The following ESR2 variants were observed in gnomAD, a reference collection of about 807,000 sequenced individuals.
The protein encoded by ESR2 is estrogen receptor beta.
ESR2 carries 36 observed loss-of-function variants against 49.6 expected under a neutral mutation model. The ratio of observed to expected loss-of-function variants is 0.73; its 90% CI spans 0.56 to 0.96. The LOEUF (loss-of-function observed/expected upper bound fraction) is 0.96. Among genes scored for constraint, ESR2 ranks in the 40% least tolerant of loss-of-function variants. The probability of loss-of-function intolerance (pLI) is 0.00; values close to 1 mark genes in which losing one functional copy is unlikely to be tolerated. For missense variants in ESR2, 714 were observed against 693.0 expected (o/e 1.03, Z -0.34); for synonymous variants, 320 against 266.1 (o/e 1.20, Z -1.97).
intron 1 of ESR2, among the ~76,000 whole-genome samples, chr14:64,323,175 G>A (rs1159403365): frequency 6.6e-6 from 1 of 152,162 alleles, no homozygotes; most frequent in Non-Finnish European, 1.5e-5. Flanking sequence ...GTTTAGCATA[G>A]CTTTAAGTGT....
In ESR2 at chr14:64,231,777, A is replaced by G. The variant is rs2098727471; in HGVS notation, c.*1360T>C. The G allele has an allele frequency of 6.6e-6, 1 of 152,224 alleles. No homozygotes were observed. The highest frequency in any genetic ancestry group is 2.1e-4 in the South Asian group (1 of 4,828). 9.4% of individuals were successfully genotyped at this position (152,224 alleles called of 1,614,324 possible). On this transcript the variant is annotated 3_prime_UTR_variant, in exon 9 of 9. Coordinates refer to ENST00000341099, the MANE Select transcript of ESR2 (RefSeq NM_001437.3). ...TTATTTAATTGCTGGCTTCCATAGT[A>G]TGCTGTTACTCATTTTACATATTCA...
downstream of ESR2, chr14:64,227,421 T>C: frequency 7.9e-7 from 1 of 1,272,488 alleles, no homozygotes; most frequent in Non-Finnish European, 1.1e-6. Context: ...TCAAAGTATT[T>C]TAACTCTTTC....
intron 7 of ESR2, among the ~76,000 whole-genome samples, chr14:64,245,470 C>T (rs2075831182): frequency 2.2e-5 from 3 of 137,434 alleles, no homozygotes; most frequent in African/African-American, 8.3e-5. Context: ...CAAGATCGCA[C>T]CATTGCACTC....
chr14:64,257,293 C>T lies in ESR2; in HGVS notation c.1024G>A (p.Gly342Arg). The change falls in exon 6 of 9, where the codon GGG (glycine) becomes AGG (arginine). Residue 342 changes from glycine to arginine, a missense_variant. Physicochemically the swap from Gly to Arg is moderately radical, Grantham distance 125. Transcript: ENST00000341099. ...TGGTCAATTGAGCGCCACATCAGCC[C>T]CATCATTAACACCTCCATCCAACAG... ...ESCWMEVLMM[G>R]LMWRSIDHPG... is the part of the protein sequence containing the mutation. 2 of 1,614,074 alleles carry T rather than the reference C, an allele frequency of 1.2e-6. No homozygotes were observed. Among genetic ancestry groups the T allele is most frequent in the Non-Finnish European group, 1.7e-6 (2 of 1,180,006 alleles).
At chr14:64,304,780 G>A (rs1222377308) in intron 1 of ESR2, among the ~76,000 whole-genome samples, 2 of 152,226 alleles carry the variant, frequency 1.3e-5, no homozygotes, top group South Asian at 2.1e-4. Flanking sequence ...GGAGGCTGAG[G>A]TGGGAGGATG....
chr14:64,251,152 G>T (rs1018146778), intron 6 of ESR2, among the ~76,000 whole-genome samples: 1 of 151,946 alleles, frequency 6.6e-6, no homozygotes, highest in African/African-American at 2.4e-5. Flanking sequence ...CCTGATGCAG[G>T]CATCCAGTAA....
chr14:64,257,527 T>A, intron 5 of ESR2, 163 bp from the exon 6 acceptor site: 1 of 883,110 alleles, frequency 1.1e-6, no homozygotes, highest in South Asian at 1.8e-5. Context: ...AAGAAAACTT[T>A]GAAGTTAAGC....
chr14:64,242,373 C>T (rs72720395), intron 7 of ESR2, among the ~76,000 whole-genome samples: 31,594 of 149,274 alleles, frequency 0.21, 3,650 homozygotes, highest in Middle Eastern at 0.32. Context: ...AGCACCAATG[C>T]ACTCCAGCCT....
intron 1 of ESR2, chr14:64,303,512 C>T (rs2077053335): frequency 6.6e-6 from 1 of 152,004 alleles, no homozygotes; most frequent in Admixed American, 6.6e-5. Flanking sequence ...GCATTCTCCT[C>T]CTGCTCCCTC....
At chr14:64,272,740 C>T (rs955774048) in intron 3 of ESR2, among the ~76,000 whole-genome samples, 7 of 152,090 alleles carry the variant, frequency 4.6e-5, no homozygotes, top group African/African-American at 1.7e-4. Context: ...CTGTTTTAGG[C>T]TAGTACCACG....
intron 7 of ESR2, among the ~76,000 whole-genome samples, chr14:64,238,848 C>G (rs760349922): frequency 4.6e-5 from 7 of 152,126 alleles, no homozygotes; most frequent in Non-Finnish European, 8.8e-5. Context: ...ATCTTCTCTC[C>G]CCTTTATCAG....
rs566646419 is a variant in ESR2, at chr14:64,279,435, A to T, written c.535+546T>A. Among the ~76,000 whole-genome samples, 10 of 152,348 alleles carry T rather than the reference A, an allele frequency of 6.6e-5. No individual in the cohort carries two copies. In the South Asian group the frequency reaches 2.1e-3, roughly 32 times the overall value. On this transcript the variant is annotated intron_variant, in intron 3 of 8. Coordinates refer to ENST00000341099, the MANE Select transcript of ESR2 (RefSeq NM_001437.3). ...GCGTTTAGAGAAAGTTAGGGAAATAATCTAAACACAGCCCAGAAAACAAGG... is the reference window on the plus strand; with the variant it reads ...GCGTTTAGAGAAAGTTAGGGAAATATTCTAAACACAGCCCAGAAAACAAGG...
chr14:64,305,076 G>A (rs1384946555), intron 1 of ESR2, among the ~76,000 whole-genome samples: 1 of 151,758 alleles, frequency 6.6e-6, no homozygotes, highest in Non-Finnish European at 1.5e-5. Context: ...GGATCACAAG[G>A]TCAGGAGATC....
rs866936528 is a variant in ESR2 at position 64,229,767 on chromosome 14, T to C, written c.*3370A>G. 1.1e-4 allele frequency among the ~76,000 whole-genome samples: 16 copies of C among 152,316 alleles called. No homozygotes were observed. Among genetic ancestry groups the C allele is most frequent in the Admixed American group, 1.3e-4 (2 of 15,304 alleles). On this transcript the variant is annotated 3_prime_UTR_variant, in exon 9 of 9. Transcript: ENST00000341099. ...GAAAATAAGGAAATAGCAGTTATTA[T>C]AATAAGGATTAAATGTGAATGTCTG...
intron 4 of ESR2, among the ~76,000 whole-genome samples, chr14:64,261,926 A>C (rs1005241214): frequency 2.0e-5 from 3 of 151,670 alleles, no homozygotes; most frequent in African/African-American, 7.3e-5. Context: ...TAACTTTTAA[A>C]TTTTTTTGTA....
intron 7 of ESR2, among the ~76,000 whole-genome samples, chr14:64,244,399 CA>C (rs34288779): frequency 0.35 from 44,359 of 127,578 alleles, 6,734 homozygotes; most frequent in Middle Eastern, 0.44. Context: ...GACTTCATCT[CA>C]AAAAAAAAAA....
intron 1 of ESR2, among the ~76,000 whole-genome samples, chr14:64,305,397 G>A (rs996632360): frequency 2.0e-5 from 3 of 151,812 alleles, no homozygotes; most frequent in East Asian, 3.9e-4. Context: ...TAGGCCGGGC[G>A]CAGTGGCTCA....
intron 5 of ESR2, among the ~76,000 whole-genome samples, chr14:64,258,497 A>G (rs114809623): frequency 6.6e-6 from 1 of 152,150 alleles, no homozygotes; most frequent in South Asian, 2.1e-4. Flanking sequence ...TTAATCTCCC[A>G]TTAAGTCTTT....
chr14:64,254,455 A>G (rs545657865), intron 6 of ESR2, among the ~76,000 whole-genome samples: 1 of 152,194 alleles, frequency 6.6e-6, no homozygotes, highest in East Asian at 1.9e-4. Flanking sequence ...TAAAAATACT[A>G]GAGACTGTAG....
Sources: allele counts gnomAD v4.1 joint callset (sites outside exome capture counted in the v4.1 genomes callset), GRCh38; gene constraint gnomAD v4.1.1; transcripts MANE v1.5; gene names NCBI Gene and HGNC (gene_info 2026-07-23, HGNC 2026-07-21).